BCAS3: variants seen among roughly 807,000 people sequenced by gnomAD.
BCAS3 encodes the protein BCAS4/BCAS3 fusion.
A neutral mutation model predicts 116.1 loss-of-function variants in BCAS3; 53 were observed. The ratio of observed to expected loss-of-function variants is 0.46; its 90% CI spans 0.37 to 0.57. BCAS3 has a LOEUF of 0.57. Among genes scored for constraint, BCAS3 ranks in the 20% least tolerant of loss-of-function variants. The probability of loss-of-function intolerance (pLI) is 0.00; values close to 1 mark genes in which losing one functional copy is unlikely to be tolerated. For synonymous variants in BCAS3, 391 were observed against 408.2 expected (o/e 0.96, Z 0.51); for missense variants, 917 against 1,165.4 (o/e 0.79, Z 3.10).
intron 6 of BCAS3, among the ~76,000 whole-genome samples, chr17:60,788,480 T>C (rs1464035334): frequency 6.6e-6 from 1 of 152,182 alleles, no homozygotes; most frequent in East Asian, 1.9e-4. Flanking sequence ...CTTCAAAAAA[T>C]ACTGTCTTTA....
In BCAS3 at chr17:60,964,920, G is replaced by A. The variant is rs113472138; in HGVS notation, c.1221+17568G>A. On this transcript the variant is annotated intron_variant, in intron 14 of 23. Coordinates refer to ENST00000407086, the MANE Select transcript of BCAS3 (RefSeq NM_017679.5). The surrounding 1 kb of genome is among the most constrained non-coding windows in gnomAD (Gnocchi z 4.6). ...CTTTGTTTCTGATTTTATTTATTTA[G>A]GTCTTCTCTCTTTTTTCTTAGTCTA... Among the ~76,000 whole-genome samples, 2 of 151,796 alleles carry A rather than the reference G, an allele frequency of 1.3e-5. No homozygotes were observed. The highest frequency in any genetic ancestry group is 4.8e-5 in the African/African-American group (2 of 41,306).
chr17:60,991,570 A>G (rs942437365), intron 15 of BCAS3, among the ~76,000 whole-genome samples: 1 of 152,212 alleles, frequency 6.6e-6, no homozygotes, highest in Non-Finnish European at 1.5e-5. Context: ...TAGGTTTTCA[A>G]GATTGGGGAA....
chr17:61,048,408 C>G (rs1050472351), intron 19 of BCAS3, among the ~76,000 whole-genome samples: 1 of 151,994 alleles, frequency 6.6e-6, no homozygotes, highest in African/African-American at 2.4e-5. Flanking sequence ...AGTTTATCGT[C>G]TTTGGAGTTT....
Position 60,960,317 on chromosome 17 carries a change from A to T in BCAS3, c.1221+12965A>T, listed in dbSNP as rs1158588616. ...CCAATCTTATCATCTCAATCATCTG[A>T]CTCTGGTATGGTTGAGACTCTGGAA... is the stretch of plus-strand genomic sequence containing the variant. On this transcript the variant is annotated intron_variant, in intron 14 of 23. Coordinates refer to ENST00000407086, the MANE Select transcript of BCAS3 (RefSeq NM_017679.5). The surrounding 1 kb of genome is among the most constrained non-coding windows in gnomAD (Gnocchi z 4.1). Among the ~76,000 whole-genome samples, 1 of 151,882 alleles carries T rather than the reference A, an allele frequency of 6.6e-6. No individual in the cohort carries two copies. Among genetic ancestry groups the T allele is most frequent in the Non-Finnish European group, 1.5e-5 (1 of 67,992 alleles).
chr17:60,999,105 C>T lies in BCAS3; in HGVS notation c.1486+8870C>T, dbSNP rs2064043622. 2.0e-5 allele frequency among the ~76,000 whole-genome samples: 3 copies of T among 152,120 alleles called. 1 individual carries two copies. Among genetic ancestry groups the T allele is most frequent in the Non-Finnish European group, 2.9e-5 (2 of 68,022 alleles). On this transcript the variant is annotated intron_variant, in intron 15 of 23. Transcript: ENST00000407086. Reference sequence around the variant, plus strand: ...TTTCCCCATTGTTTATTTTTGTCGACTTTGTCGAAGAATATCAGGTGGTTG... The same window carrying T: ...TTTCCCCATTGTTTATTTTTGTCGATTTTGTCGAAGAATATCAGGTGGTTG...
Position 60,728,256 on chromosome 17 carries a change from G to C in BCAS3, c.321+18931G>C, listed in dbSNP as rs112469400. 6.0e-3 allele frequency among the ~76,000 whole-genome samples: 916 copies of C among 152,092 alleles called. 4 individuals are homozygous for C. The highest frequency in any genetic ancestry group is 0.021 in the African/African-American group (864 of 41,486). ...TCCCTCCATCCCTGATAAGCCCTGG[G>C]CACCCCTGATCTTTTTATCATGTCC... On this transcript the variant is annotated intron_variant, in intron 5 of 23. Coordinates refer to ENST00000407086, the MANE Select transcript of BCAS3 (RefSeq NM_017679.5).
At chr17:60,817,487 A>G (rs1313736064) in intron 7 of BCAS3, among the ~76,000 whole-genome samples, 1 of 152,270 alleles carries the variant, frequency 6.6e-6, no homozygotes, top group African/African-American at 2.4e-5. Context: ...CATTACACAC[A>G]TTACGTGAAA....
At chr17:60,903,999 A>G (rs375970878) in intron 11 of BCAS3, among the ~76,000 whole-genome samples, 15 of 152,348 alleles carry the variant, frequency 9.8e-5, no homozygotes, top group African/African-American at 3.4e-4. Context: ...ATAACTTTTC[A>G]GCTCCTGTTT....
At chr17:61,357,193 G>A (rs957222984) in intron 22 of BCAS3, among the ~76,000 whole-genome samples, 4 of 150,810 alleles carry the variant, frequency 2.7e-5, no homozygotes, top group Non-Finnish European at 4.4e-5. Flanking sequence ...ATCACTGGAA[G>A]CCAACAGTTT....
At chr17:61,351,647 G>A (rs1038309303) in intron 22 of BCAS3, among the ~76,000 whole-genome samples, 1 of 152,172 alleles carries the variant, frequency 6.6e-6, no homozygotes, top group Non-Finnish European at 1.5e-5. Context: ...TCCCACTCTC[G>A]ATTGAGTGCT....
intron 15 of BCAS3, chr17:61,002,846 G>A (rs2064346742): frequency 6.6e-6 from 1 of 152,010 alleles, no homozygotes; most frequent in Non-Finnish European, 1.5e-5. Context: ...AGGCATTGAG[G>A]CATTATAAGG....
chr17:61,086,734 T>C (rs2073122358), intron 22 of BCAS3: 1 of 985,338 alleles, frequency 1.0e-6, no homozygotes. Context: ...GGTACCTTTC[T>C]GAAAGACAAC....
At chr17:60,802,896 C>T (rs112713300) in intron 6 of BCAS3, among the ~76,000 whole-genome samples, 6,714 of 152,254 alleles carry the variant, frequency 0.044, 547 homozygotes, top group African/African-American at 0.15. Context: ...AGATTACAGG[C>T]GTGAGCCACT....
intron 14 of BCAS3, among the ~76,000 whole-genome samples, chr17:60,989,752 C>T (rs2063404011): frequency 6.6e-6 from 1 of 152,174 alleles, no homozygotes; most frequent in Admixed American, 6.5e-5. Context: ...CTTCAGGATC[C>T]TGTATCCCTG....
rs937928779 is a variant in BCAS3 at position 61,086,973 on chromosome 17, T to C, written c.2425+2409T>C. 3 of 985,288 alleles carry C rather than the reference T, an allele frequency of 3.0e-6. No individual in the cohort carries two copies. In the African/African-American group the frequency reaches 5.2e-5, roughly 17 times the overall value. The allele number at this position is 985,288 out of a possible 1,614,324, so 61.0% of individuals were successfully genotyped here. A position where few individuals can be genotyped will look rare whatever the true frequency, so the allele number is the denominator to read the frequency against. On this transcript the variant is annotated intron_variant, in intron 22 of 23. Coordinates refer to ENST00000407086, the MANE Select transcript of BCAS3 (RefSeq NM_017679.5). ...AACTGTTGTCAACAGAATTACTTTC[T>C]ACATCTGTGGAAAACAACATCTAGG...
At chr17:60,816,528 C>A (rs992946305) in intron 7 of BCAS3, among the ~76,000 whole-genome samples, 27 of 152,074 alleles carry the variant, frequency 1.8e-4, no homozygotes, top group Non-Finnish European at 3.7e-4. Flanking sequence ...CCGCCTCGGC[C>A]CCCCAAAATG....
At position 60,964,665 on chromosome 17, in the gene BCAS3, C is replaced by G. The variant is rs144237631; in HGVS notation, c.1221+17313C>G. On this transcript the variant is annotated intron_variant, in intron 14 of 23. Coordinates refer to ENST00000407086, the MANE Select transcript of BCAS3 (RefSeq NM_017679.5). This position sits in a 1 kb window ranked among gnomAD's most constrained non-coding sequence, Gnocchi z 4.6. ...GAATTCAGCAGTGAAGTTGTGAAGT[C>G]CTGGGATTTTCTTGCTTTTTATGGA... is the stretch of plus-strand genomic sequence containing the variant. Among the ~76,000 whole-genome samples the G allele has an allele frequency of 3.8e-3, 575 of 152,136 alleles. 3 individuals carry two copies. The highest frequency in any genetic ancestry group is 0.013 in the African/African-American group (546 of 41,508).
At position 61,095,844 on chromosome 17, in the gene BCAS3, T is replaced by TACACAC. The variant is rs10671633; in HGVS notation, c.2425+11304_2425+11309dup. ...AAAACCACTGGTATGCATATTCTCG[T>TACACAC]ACACACACACACACACACACACACA... On this transcript the variant is annotated intron_variant, in intron 22 of 23. Coordinates refer to ENST00000407086, the MANE Select transcript of BCAS3 (RefSeq NM_017679.5). This position sits in a 1 kb window ranked among gnomAD's most constrained non-coding sequence, Gnocchi z 4.7. Among the ~76,000 whole-genome samples, 2,525 of 146,320 alleles carry TACACAC rather than the reference T, an allele frequency of 0.017. 73 individuals carry two copies. The highest frequency in any genetic ancestry group is 0.057 in the African/African-American group (2,299 of 40,040).
At chr17:61,318,232 A>C (rs2054906590) in intron 22 of BCAS3, among the ~76,000 whole-genome samples, 1 of 152,202 alleles carries the variant, frequency 6.6e-6, no homozygotes, top group Non-Finnish European at 1.5e-5. Flanking sequence ...TTTAAGATAT[A>C]AGCTGTGGCC....
Sources: allele counts gnomAD v4.1 joint callset (sites outside exome capture counted in the v4.1 genomes callset), GRCh38; gene constraint gnomAD v4.1.1; non-coding constraint Gnocchi (gnomAD v3.1); transcripts MANE v1.5; gene names NCBI Gene and HGNC (gene_info 2026-07-23, HGNC 2026-07-21).